Variants in TBC1D1 observed in about 807,000 individuals in gnomAD.
The protein encoded by TBC1D1 is TBC1 domain family member 1, also known as TBC1 (tre-2/USP6, BUB2, cdc16) domain family, member 1.
Under a neutral mutation model 125.6 loss-of-function variants are expected in TBC1D1, and 89 were observed. The observed-to-expected ratio is 0.71, with a 90% CI of 0.60 to 0.85. TBC1D1 has a LOEUF of 0.85. Ranked by LOEUF, TBC1D1 falls within the 40% of genes least tolerant of loss-of-function variation. The probability of loss-of-function intolerance (pLI) is 0.00; values close to 1 mark genes in which losing one functional copy is unlikely to be tolerated. For missense variants in TBC1D1, 1,377 were observed against 1,469.2 expected, an observed-to-expected ratio of 0.94 and a Z score of 1.03; for synonymous variants, 565 against 564.1, an observed-to-expected ratio of 1.00 and a Z score of -0.02.
intron 5 of TBC1D1, 70 bp from the exon 6 acceptor site, chr4:38,021,516 T>G (rs1578304259): frequency 7.3e-7 from 1 of 1,372,484 alleles, no homozygotes; most frequent in East Asian, 2.8e-5. Context: ...CCAAAGATTT[T>G]CTGACATCTC....
intron 15 of TBC1D1, among the ~76,000 whole-genome samples, chr4:38,112,599 C>T (rs1420854873): frequency 6.6e-6 from 1 of 152,220 alleles, no homozygotes; most frequent in Non-Finnish European, 1.5e-5. Context: ...GTAGTCCATT[C>T]TGAGCTTCAC....
At chr4:38,137,079 A>ATCCCACCTGTGTTAGCACTGGC in intron 19 of TBC1D1, 56 bp from the exon 22 acceptor site, 1 of 1,609,202 alleles carries the variant, frequency 6.2e-7, no homozygotes, top group Non-Finnish European at 8.5e-7. Context: ...TGGGCACTGG[A>ATCCCACCTGTGTTAGCACTGGC]TCCCACCTGT....
At chr4:37,973,393 G>GT (rs138529637) in intron 2 of TBC1D1, among the ~76,000 whole-genome samples, 40 of 152,146 alleles carry the variant, frequency 2.6e-4, no homozygotes, top group African/African-American at 8.7e-4. Context: ...GATTTGGCCT[G>GT]TTTTTTTGCA....
At chr4:38,011,880 C>A (rs1420676093) in intron 2 of TBC1D1, among the ~76,000 whole-genome samples, 2 of 152,230 alleles carry the variant, frequency 1.3e-5, no homozygotes, top group Admixed American at 1.3e-4. Flanking sequence ...ATCCAGGGGA[C>A]AGTTAAGTGA....
At chr4:37,980,030 C>G (rs1293498678) in intron 2 of TBC1D1, among the ~76,000 whole-genome samples, 1 of 152,156 alleles carries the variant, frequency 6.6e-6, no homozygotes, top group Non-Finnish European at 1.5e-5. Flanking sequence ...CCACCTGCCT[C>G]GGCCTCCCAA....
intron 2 of TBC1D1, among the ~76,000 whole-genome samples, chr4:37,976,469 TG>T (rs1203977710): frequency 1.3e-5 from 2 of 152,226 alleles, no homozygotes; most frequent in Non-Finnish European, 2.9e-5. Flanking sequence ...TAAACTCAGA[TG>T]CCAGATATTT....
chr4:38,072,106 T>G (rs1754803778), intron 12 of TBC1D1, among the ~76,000 whole-genome samples: 2 of 152,316 alleles, frequency 1.3e-5, no homozygotes, highest in South Asian at 4.1e-4. Flanking sequence ...GTAACTGTCT[T>G]GTTTCATCAG....
intron 14 of TBC1D1, among the ~76,000 whole-genome samples, chr4:38,096,900 A>G (rs188689255): frequency 2.1e-4 from 32 of 152,324 alleles, no homozygotes; most frequent in Admixed American, 1.5e-3. Context: ...AAAAAAATTG[A>G]TGCTTCACAG....
At position 38,115,954 on chromosome 4, in the gene TBC1D1, G is replaced by C. The variant is rs1254226156; in HGVS notation, c.2802G>C (p.Gln934His). The C allele has an allele frequency of 6.2e-7, 1 of 1,613,408 alleles. No individual in the cohort carries two copies. Among genetic ancestry groups the C allele is most frequent in the East Asian group, 2.2e-5 (1 of 44,896 alleles). The change falls in exon 16 of 20, where the codon CAG becomes CAC. Residue 934 changes from glutamine (Q) to histidine (H), a missense_variant and splice_region_variant. Transcript: ENST00000261439. ...ATCGGCCAGACATGATTATTTTACA[G>C]GTATAGAGTGTTCCTTATGTCTTTA... is the stretch of plus-strand genomic sequence containing the variant.
chr4:38,054,835 C>G (rs987018220), intron 12 of TBC1D1: 1 of 155,160 alleles, frequency 6.4e-6, no homozygotes, highest in Non-Finnish European at 1.4e-5. Flanking sequence ...CGGGGTCTTG[C>G]GTTCCTTCTT....
intron 2 of TBC1D1, chr4:37,952,074 G>A: frequency 1.4e-6 from 1 of 717,484 alleles, no homozygotes; most frequent in Non-Finnish European, 2.6e-6. Context: ...GCCCTGCCTG[G>A]AAAGCAACAG....
intron 18 of TBC1D1, among the ~76,000 whole-genome samples, chr4:38,129,129 G>A (rs1765154405): frequency 4.6e-5 from 7 of 152,138 alleles, no homozygotes; most frequent in Admixed American, 4.6e-4. Flanking sequence ...ATCACCAGGG[G>A]ATTCACATAC....
rs766225943 is a variant in TBC1D1, at chr4:38,035,712, G to A, written c.1413+14G>A. 1.1e-5 allele frequency: 17 copies of A among 1,589,750 alleles called. No homozygotes were observed. The highest frequency in any genetic ancestry group is 1.3e-5 in the Non-Finnish European group (15 of 1,159,806). On this transcript the variant is annotated intron_variant, in intron 8 of 19. Transcript: ENST00000261439. Reference sequence around the variant, plus strand: ...GAGATGAAGCAGGTATGGCATTTTTGTCTCTTGTAATTGTTGCCAAGTCTC... The same window carrying A: ...GAGATGAAGCAGGTATGGCATTTTTATCTCTTGTAATTGTTGCCAAGTCTC...
chr4:38,133,048 A>G, intron 18 of TBC1D1, 36 bp from the exon 21 acceptor site: 1 of 1,578,972 alleles, frequency 6.3e-7, no homozygotes, highest in East Asian at 2.2e-5. Context: ...GGTTTTTCTC[A>G]GTTTTAGTAC....
At chr4:38,010,690 TC>T (rs1481887748) in intron 2 of TBC1D1, among the ~76,000 whole-genome samples, 1 of 152,202 alleles carries the variant, frequency 6.6e-6, no homozygotes, top group African/African-American at 2.4e-5. Flanking sequence ...CAGCCCCCTA[TC>T]CAGGTCACCA....
intron 12 of TBC1D1, among the ~76,000 whole-genome samples, chr4:38,080,745 C>T (rs985264637): frequency 7.2e-5 from 11 of 152,006 alleles, no homozygotes; most frequent in African/African-American, 2.4e-4. Context: ...TCTGCACTCT[C>T]GCCACCTTAT....
At chr4:38,134,615 G>A (rs969145383) in intron 19 of TBC1D1, among the ~76,000 whole-genome samples, 4 of 152,186 alleles carry the variant, frequency 2.6e-5, no homozygotes, top group Non-Finnish European at 4.4e-5. Flanking sequence ...GCTCACATTT[G>A]CATTGAAGTG....
chr4:37,950,766 T>C (rs1191097761), intron 2 of TBC1D1, among the ~76,000 whole-genome samples: 1 of 151,736 alleles, frequency 6.6e-6, no homozygotes, highest in East Asian at 1.9e-4. Context: ...TCACTTTTTT[T>C]TTTTTTTTTG....
chr4:38,052,753 CACACACACACAG>C lies in TBC1D1; in HGVS notation c.1911-1445_1911-1434del, dbSNP rs775218348. Among the ~76,000 whole-genome samples the C allele has an allele frequency of 5.3e-3, 784 of 148,708 alleles. 2 individuals are homozygous for C. Among genetic ancestry groups the C allele is most frequent in the East Asian group, 0.023 (119 of 5,064 alleles). ...GCACACACACACACACACACACACA[CACACACACACAG>C]GATAACATCTGTGTTTGATCATGTA... On this transcript the variant is annotated intron_variant, in intron 11 of 19. Transcript: ENST00000261439.
Sources: allele counts gnomAD v4.1 joint callset (sites outside exome capture counted in the v4.1 genomes callset), GRCh38; gene constraint gnomAD v4.1.1; transcripts MANE v1.5; gene names NCBI Gene and HGNC (gene_info 2026-07-23, HGNC 2026-07-21).